FGF13: variants seen among roughly 807,000 people sequenced by gnomAD.
FGF13 encodes fibroblast growth factor 13.
Under a neutral mutation model 19.5 loss-of-function variants are expected in FGF13, and 2 were observed. The ratio of observed to expected loss-of-function variants is 0.10; its 90% confidence interval spans 0.04 to 0.32. The LOEUF is 0.32. Ranked by LOEUF, FGF13 falls within the 10% of genes least tolerant of loss-of-function variation. FGF13 has a pLI of 1.00. For synonymous variants in FGF13, 72 were observed against 76.9 expected (o/e 0.94, Z 0.33); for missense variants, 113 against 192.7 (o/e 0.59, Z 2.45).
At chrX:139,056,338 G>T (rs1018445525) in intron 1 of FGF13, among the ~76,000 whole-genome samples, 1 of 112,263 alleles carries the variant, frequency 8.9e-6, no homozygotes, top group African/African-American at 3.2e-5. Context: ...TTGAAACCTG[G>T]ACAGCCACTC....
intron 1 of FGF13, among the ~76,000 whole-genome samples, chrX:139,186,195 G>A (rs1375222153): frequency 9.0e-6 from 1 of 111,404 alleles, no homozygotes; most frequent in Non-Finnish European, 1.9e-5. Flanking sequence ...ATCACAGTGG[G>A]AAAATGTAAG....
chrX:138,848,924 A>G (rs1174252299), intron 3 of FGF13, among the ~76,000 whole-genome samples: 2 of 112,101 alleles, frequency 1.8e-5, no homozygotes, highest in African/African-American at 6.5e-5. Flanking sequence ...TTCTTCATGA[A>G]GGAAGCAGTG....
chrX:138,780,858 A>G (rs1371802815), intron 3 of FGF13, among the ~76,000 whole-genome samples: 1 of 110,725 alleles, frequency 9.0e-6, no homozygotes, highest in Non-Finnish European at 1.9e-5. Flanking sequence ...TCAACAGAAT[A>G]TACATTTTTT....
intron 1 of FGF13, among the ~76,000 whole-genome samples, chrX:138,736,150 C>T (rs1030847268): frequency 8.9e-6 from 1 of 111,931 alleles, no homozygotes; most frequent in Non-Finnish European, 1.9e-5. Context: ...ACCCAGGAGG[C>T]ACTCACTTCC....
intron 1 of FGF13, among the ~76,000 whole-genome samples, chrX:139,171,786 G>A (rs749952082): frequency 9.0e-6 from 1 of 111,403 alleles, no homozygotes; most frequent in South Asian, 3.7e-4. Flanking sequence ...TCTTTTCAAT[G>A]TGTGATTTAC....
chrX:139,071,185 A>G (rs2092375607), intron 1 of FGF13, among the ~76,000 whole-genome samples: 1 of 111,946 alleles, frequency 8.9e-6, no homozygotes, highest in Admixed American at 9.5e-5. Context: ...CAAGTAATTT[A>G]TCTATACTTA....
intron 1 of FGF13, among the ~76,000 whole-genome samples, chrX:138,992,908 T>C (rs966453606): frequency 9.0e-6 from 1 of 111,701 alleles, no homozygotes; most frequent in African/African-American, 3.3e-5. Flanking sequence ...AATGACCTGG[T>C]GACACCACAT....
chrX:138,836,653 C>T (rs974352225), intron 3 of FGF13, among the ~76,000 whole-genome samples: 1 of 111,763 alleles, frequency 8.9e-6, no homozygotes, highest in African/African-American at 3.3e-5. Flanking sequence ...GCTCAGTGAA[C>T]TTCATTCCTA....
intron 1 of FGF13, among the ~76,000 whole-genome samples, chrX:138,899,522 T>C (rs935895321): frequency 9.0e-6 from 1 of 111,003 alleles, no homozygotes; most frequent in Non-Finnish European, 1.9e-5. Flanking sequence ...CTTGCCAAAG[T>C]TGACATTCTT....
At chrX:138,855,611 T>C (rs569834991), downstream of FGF13, among the ~76,000 whole-genome samples, 59 of 111,603 alleles carry the variant, frequency 5.3e-4, 1 homozygote, top group South Asian at 7.5e-3. Context: ...TTAAACACAA[T>C]GGCAACAGCT....
chrX:138,854,713 T>G (rs2091246620), downstream of FGF13, among the ~76,000 whole-genome samples: 1 of 112,344 alleles, frequency 8.9e-6, no homozygotes, highest in Non-Finnish European at 1.9e-5. Flanking sequence ...CTTAAAAATT[T>G]TTTTTTAATT....
At chrX:138,804,533 A>G (rs961483068) in intron 3 of FGF13, among the ~76,000 whole-genome samples, 3 of 112,127 alleles carry the variant, frequency 2.7e-5, no homozygotes, top group Non-Finnish European at 5.6e-5. Flanking sequence ...TTCCAATATT[A>G]TGTATGTTTC....
intron 1 of FGF13, among the ~76,000 whole-genome samples, chrX:139,146,643 C>T (rs1404203239): frequency 8.9e-6 from 1 of 112,222 alleles, no homozygotes; most frequent in Non-Finnish European, 1.9e-5. Flanking sequence ...GACTATAAAT[C>T]ATGCTGCTAT....
At chrX:138,996,628 T>C (rs750861267) in intron 1 of FGF13, among the ~76,000 whole-genome samples, 1 of 112,612 alleles carries the variant, frequency 8.9e-6, no homozygotes, top group Non-Finnish European at 1.9e-5. Context: ...CCTCTCTAGA[T>C]TCTACCTCTA....
chrX:138,677,656 A>G (rs1186240450), intron 3 of FGF13, among the ~76,000 whole-genome samples: 1 of 111,319 alleles, frequency 9.0e-6, no homozygotes, highest in South Asian at 3.8e-4. Context: ...TTAGAATGGC[A>G]ATCATTAAAA....
intron 1 of FGF13, among the ~76,000 whole-genome samples, chrX:138,897,884 C>T (rs935775492): frequency 7.2e-5 from 8 of 111,055 alleles, no homozygotes; most frequent in Non-Finnish European, 1.1e-4. Flanking sequence ...ATAAAGGAAC[C>T]CAAAAGCCCA....
Position 138,753,398 on chromosome X carries a change from A to G in FGF13, c.218-44470T>C, listed in dbSNP as rs190057356. On this transcript the variant is annotated intron_variant, in intron 3 of 6. Coordinates refer to the FGF13 transcript ENST00000436198. Reference sequence around the variant, plus strand: ...GTAGAAACAAAGTAACAGTTCCAAAAGTGGTTTCCCATTTTCATGGCTATG... The same window carrying G: ...GTAGAAACAAAGTAACAGTTCCAAAGGTGGTTTCCCATTTTCATGGCTATG... Among the ~76,000 whole-genome samples the G allele has an allele frequency of 1.6e-4, 18 of 112,462 alleles. No individual in the cohort carries two copies. In the East Asian group the frequency reaches 5.0e-3, roughly 31 times the overall value.
At chrX:139,089,146 G>A (rs1481871126) in intron 1 of FGF13, among the ~76,000 whole-genome samples, 1 of 112,185 alleles carries the variant, frequency 8.9e-6, no homozygotes, top group East Asian at 2.8e-4. Flanking sequence ...GTGTGCATGT[G>A]TGTGTGCACG....
At chrX:138,769,573 C>T (rs2090530068) in intron 3 of FGF13, among the ~76,000 whole-genome samples, 1 of 112,028 alleles carries the variant, frequency 8.9e-6, no homozygotes, top group African/African-American at 3.3e-5. Context: ...TGGAAAGTGT[C>T]TGGTGTAAAG....
Sources: allele counts gnomAD v4.1 joint callset (sites outside exome capture counted in the v4.1 genomes callset), GRCh38; gene constraint gnomAD v4.1.1; transcripts MANE v1.5; gene names NCBI Gene and HGNC (gene_info 2026-07-23, HGNC 2026-07-21).